ATP2C1: variants seen among roughly 807,000 people sequenced by gnomAD.
ATP2C1 encodes ATPase secretory pathway Ca2+ transporting 1, also known as calcium-transporting ATPase type 2C member 1.
Under a neutral mutation model 120.5 loss-of-function variants are expected in ATP2C1, and 31 were observed. The observed-to-expected ratio is 0.26, with a 90% CI of 0.19 to 0.35. The LOEUF is 0.35. ATP2C1 is among the 10% of genes least tolerant of loss of function. ATP2C1 has a pLI of 1.00. For missense variants in ATP2C1, 731 were observed against 1,107.5 expected, an observed-to-expected ratio of 0.66 and a Z score of 4.83; for synonymous variants, 351 against 358.7, an observed-to-expected ratio of 0.98 and a Z score of 0.24.
downstream of ATP2C1, among the ~76,000 whole-genome samples, chr3:131,006,960 G>A (rs1426091100): frequency 1.3e-5 from 2 of 152,030 alleles, no homozygotes; most frequent in Non-Finnish European, 2.9e-5. Context: ...GAGCCATCAC[G>A]CCCAGCCTCA....
intron 1 of ATP2C1, among the ~76,000 whole-genome samples, chr3:130,871,009 G>A (rs6779657): frequency 0.9 from 137,633 of 152,234 alleles, 62,454 homozygotes; most frequent in Non-Finnish European, 0.95. Flanking sequence ...ACGTCAAGGC[G>A]AGATCCCCTA....
At chr3:130,905,312 A>G (rs780845524) in intron 2 of ATP2C1, among the ~76,000 whole-genome samples, 21 of 152,164 alleles carry the variant, frequency 1.4e-4, no homozygotes, top group Admixed American at 1.0e-3. Flanking sequence ...ACTGCCAGTG[A>G]TGCTGCCAGT....
chr3:130,854,437 G>T (rs1441219013), intron 1 of ATP2C1, among the ~76,000 whole-genome samples: 1 of 152,130 alleles, frequency 6.6e-6, no homozygotes, highest in Non-Finnish European at 1.5e-5. Context: ...ATTTTATTTT[G>T]GTCTGAGGGC....
intron 7 of ATP2C1, among the ~76,000 whole-genome samples, chr3:130,941,252 G>GTGTC (rs1553764220): frequency 2.9e-3 from 423 of 144,382 alleles, no homozygotes; most frequent in Middle Eastern, 7.0e-3. Flanking sequence ...GTGTGTGTGT[G>GTGTC]TGTGTGTGTG....
intron 2 of ATP2C1, chr3:130,918,564 T>C: frequency 1.4e-6 from 1 of 739,938 alleles, no homozygotes; most frequent in South Asian, 1.4e-5. Flanking sequence ...ATGTTAAGTA[T>C]GCCAGCGCCC....
rs561217544 is a variant in ATP2C1, at chr3:130,894,553, C to G, written c.-180-37C>G. ...CTGGGCGGGGAACTCCTTCCTCAGC[C>G]TCTCGTCAGCGCCGCTTCTCCTGGT... On this transcript the variant is annotated intron_variant, in intron 1 of 27. Transcript: ENST00000510168. The surrounding 1 kb of genome is among the most constrained non-coding windows in gnomAD (Gnocchi z 4.5). 7.1e-7 allele frequency: 1 copy of G among 1,415,722 alleles called. No homozygotes were observed. Among genetic ancestry groups the G allele is most frequent in the Non-Finnish European group, 9.2e-7 (1 of 1,085,490 alleles). 87.7% of individuals were successfully genotyped at this position (1,415,722 alleles called of 1,614,324 possible).
intron 6 of ATP2C1, 85 bp downstream of exon 6, chr3:130,937,548 G>T (rs2059724899): frequency 2.3e-5 from 26 of 1,151,212 alleles, no homozygotes; most frequent in Non-Finnish European, 3.4e-5. Flanking sequence ...TACCGTTATT[G>T]GGGGGTTGTA....
chr3:130,851,850 A>G (rs1336096275), intron 1 of ATP2C1, among the ~76,000 whole-genome samples: 1 of 152,178 alleles, frequency 6.6e-6, no homozygotes, highest in East Asian at 1.9e-4. Flanking sequence ...AGGAGATATC[A>G]CCAGTGTCCT....
intron 2 of ATP2C1, among the ~76,000 whole-genome samples, chr3:130,902,660 G>C (rs1163359780): frequency 1.3e-5 from 2 of 151,844 alleles, no homozygotes; most frequent in Non-Finnish European, 2.9e-5. Flanking sequence ...GAAAATGCTA[G>C]ACCTCCTATG....
intron 18 of ATP2C1, among the ~76,000 whole-genome samples, chr3:130,977,337 A>C: frequency 6.6e-6 from 1 of 152,194 alleles, no homozygotes; most frequent in East Asian, 1.9e-4. Context: ...GTTGGTGAAC[A>C]AAATGTGAAC....
rs187722187 is a variant in ATP2C1 at position 130,930,083 on chromosome 3, G to A, written c.7-333G>A. 6.5e-5 allele frequency: 24 copies of A among 370,322 alleles called. No individual in the cohort carries two copies. In the East Asian group the frequency reaches 1.2e-3, roughly 18 times the overall value. The allele number at this position is 370,322 out of a possible 1,614,324, so 22.9% of individuals were successfully genotyped here. ...AAACGTAATGAGTTTAGAGGATTAT[G>A]ATTATTTGTAATCATCAGGATCTGC... On this transcript the variant is annotated intron_variant, in intron 2 of 27. Coordinates refer to ENST00000510168, the MANE Select transcript of ATP2C1 (RefSeq NM_001378687.1).
At chr3:130,956,060 TAAA>T in intron 10 of ATP2C1, 41 bp from the exon 11 acceptor site, 2 of 1,354,596 alleles carry the variant, frequency 1.5e-6, no homozygotes, top group Non-Finnish European at 2.1e-6. Context: ...TAAAGCTTAG[TAAA>T]TATAGCTAAT....
chr3:130,963,535 A>G, intron 12 of ATP2C1: 1 of 201,650 alleles, frequency 5.0e-6, no homozygotes, highest in South Asian at 8.6e-5. Context: ...GGATGTCACA[A>G]TTTTACATTT....
intron 2 of ATP2C1, among the ~76,000 whole-genome samples, chr3:130,895,272 C>A (rs549864744): frequency 1.1e-3 from 166 of 152,138 alleles, no homozygotes; most frequent in South Asian, 3.5e-3. Context: ...CAAAAAAAAC[C>A]CAGTGAATTT....
chr3:130,926,613 C>T (rs2059217688), intron 2 of ATP2C1, among the ~76,000 whole-genome samples: 1 of 152,220 alleles, frequency 6.6e-6, no homozygotes, highest in Non-Finnish European at 1.5e-5. Context: ...TAAAATGTGT[C>T]TGCCATACTA....
At chr3:130,918,394 C>G (rs2058782911) in intron 2 of ATP2C1, 3 of 1,302,388 alleles carry the variant, frequency 2.3e-6, no homozygotes, top group Admixed American at 3.4e-5. Context: ...CAGGGCTTTC[C>G]AGCTCCAGTT....
intron 7 of ATP2C1, among the ~76,000 whole-genome samples, chr3:130,941,166 G>A (rs904063233): frequency 6.6e-6 from 1 of 151,516 alleles, no homozygotes; most frequent in African/African-American, 2.4e-5. Flanking sequence ...TGCCCACCTC[G>A]GCCTCCCAAA....
intron 3 of ATP2C1, among the ~76,000 whole-genome samples, chr3:130,931,686 A>T (rs771463158): frequency 3.1e-4 from 47 of 151,978 alleles, no homozygotes; most frequent in Non-Finnish European, 4.4e-4. Context: ...CATTTTTTTT[A>T]AAAAATCAAT....
chr3:130,903,871 C>T (rs1439277892), intron 2 of ATP2C1, among the ~76,000 whole-genome samples: 1 of 152,032 alleles, frequency 6.6e-6, no homozygotes, highest in African/African-American at 2.4e-5. Context: ...CCCCTTTCCT[C>T]CATCCTTGTA....
Sources: allele counts gnomAD v4.1 joint callset (sites outside exome capture counted in the v4.1 genomes callset), GRCh38; gene constraint gnomAD v4.1.1; non-coding constraint Gnocchi (gnomAD v3.1); transcripts MANE v1.5; gene names NCBI Gene and HGNC (gene_info 2026-07-23, HGNC 2026-07-21).